The following ZNF804B variants were observed in gnomAD, a reference collection of about 807,000 sequenced individuals.
ZNF804B encodes the protein zinc finger protein 804B, also known as zinc finger 804B.
A neutral mutation model predicts 101.4 loss-of-function variants in ZNF804B; 80 were observed. The ratio of observed to expected loss-of-function variants is 0.79; its 90% CI spans 0.66 to 0.95. The LOEUF (loss-of-function observed/expected upper bound fraction) is 0.95. ZNF804B is among the 40% of genes least tolerant of loss of function. The probability of loss-of-function intolerance (pLI) is 0.00; values close to 1 mark genes in which losing one functional copy is unlikely to be tolerated. For missense variants in ZNF804B, 1,673 were observed against 1,561.9 expected, an observed-to-expected ratio of 1.07 and a Z score of -1.20; for synonymous variants, 622 against 558.8, an observed-to-expected ratio of 1.11 and a Z score of -1.59.
intron 1 of ZNF804B, among the ~76,000 whole-genome samples, chr7:88,869,330 C>G (rs1188677984): frequency 6.6e-6 from 1 of 152,082 alleles, no homozygotes; most frequent in Non-Finnish European, 1.5e-5. Flanking sequence ...TACCTTGGGG[C>G]CCATCTATCA....
At chr7:88,854,485 T>TCTTTCTTTC (rs1791514057) in intron 1 of ZNF804B, among the ~76,000 whole-genome samples, 1 of 71,306 alleles carries the variant, frequency 1.4e-5, no homozygotes, top group Admixed American at 1.6e-4. Context: ...CTCTTTCCTT[T>TCTTTCTTTC]CCTTTCCTTT....
intron 1 of ZNF804B, among the ~76,000 whole-genome samples, chr7:89,118,719 T>C (rs964841997): frequency 6.6e-6 from 1 of 152,326 alleles, no homozygotes; most frequent in East Asian, 1.9e-4. Flanking sequence ...ATTTCAATTG[T>C]TATCTGAAAT....
intron 1 of ZNF804B, among the ~76,000 whole-genome samples, chr7:88,813,756 T>C (rs1262493036): frequency 6.6e-6 from 1 of 152,240 alleles, no homozygotes; most frequent in African/African-American, 2.4e-5. Context: ...GGAAATATTC[T>C]TAAGATCCAC....
intron 1 of ZNF804B, among the ~76,000 whole-genome samples, chr7:89,109,000 GA>G (rs1403968177): frequency 2.0e-5 from 3 of 152,066 alleles, no homozygotes; most frequent in Admixed American, 1.3e-4. Context: ...TATTGGAGGG[GA>G]AAAAAGTCCA....
chr7:88,998,180 G>A (rs145278039), intron 1 of ZNF804B, among the ~76,000 whole-genome samples: 26 of 151,958 alleles, frequency 1.7e-4, no homozygotes, highest in African/African-American at 6.3e-4. Flanking sequence ...TTTTCCTCTG[G>A]TCCTCCTTCT....
chr7:89,220,492 A>G (rs938667632), intron 2 of ZNF804B, among the ~76,000 whole-genome samples: 3 of 151,926 alleles, frequency 2.0e-5, no homozygotes, highest in Admixed American at 6.6e-5. Flanking sequence ...ACTAATGGCT[A>G]TCACCCAACT....
chr7:89,171,282 G>GCTTCTTCTTCTT (rs1491140157), intron 1 of ZNF804B, among the ~76,000 whole-genome samples: 22 of 95,480 alleles, frequency 2.3e-4, no homozygotes, highest in Admixed American at 1.3e-3. Context: ...AAATAATGCT[G>GCTTCTTCTTCTT]CTGCTGCTTC....
At chr7:89,244,457 A>C (rs1789413638) in intron 2 of ZNF804B, among the ~76,000 whole-genome samples, 1 of 152,094 alleles carries the variant, frequency 6.6e-6, no homozygotes, top group Non-Finnish European at 1.5e-5. Context: ...TTGCTAGATA[A>C]CCCTCTAAAG....
At position 89,031,187 on chromosome 7, in the gene ZNF804B, GTA is replaced by G. The variant is rs887453933; in HGVS notation, c.109-186956_109-186955del. On this transcript the variant is annotated intron_variant, in intron 1 of 3. Transcript: ENST00000333190. ...AGTATAATAATAAAAATATATATGT[GTA>G]TATATATATATGTGTGTGTGTGTAT... 1.1e-4 allele frequency among the ~76,000 whole-genome samples: 13 copies of G among 120,548 alleles called. 1 individual carries two copies. Among genetic ancestry groups the G allele is most frequent in the East Asian group, 2.0e-4 (1 of 4,972 alleles). 79.1% of individuals were successfully genotyped at this position (120,548 alleles called of 152,430 possible).
At chr7:89,279,836 G>A (rs866387790) in intron 2 of ZNF804B, among the ~76,000 whole-genome samples, 3 of 151,898 alleles carry the variant, frequency 2.0e-5, no homozygotes, top group African/African-American at 7.3e-5. Flanking sequence ...GTCTCTGCCA[G>A]GCTTTGGTAT....
intron 1 of ZNF804B, among the ~76,000 whole-genome samples, chr7:89,088,005 A>G (rs1405467095): frequency 1.3e-5 from 2 of 148,984 alleles, no homozygotes; most frequent in Non-Finnish European, 3.0e-5. Context: ...TATATATATT[A>G]ATTTATTTCG....
At chr7:88,855,874 T>C (rs1460018682) in intron 1 of ZNF804B, among the ~76,000 whole-genome samples, 3 of 152,204 alleles carry the variant, frequency 2.0e-5, no homozygotes, top group Non-Finnish European at 4.4e-5. Context: ...CCTTTCCCCA[T>C]TGCTTGTTTT....
intron 2 of ZNF804B, among the ~76,000 whole-genome samples, chr7:89,303,744 T>G (rs1790518926): frequency 6.6e-6 from 1 of 151,882 alleles, no homozygotes; most frequent in South Asian, 2.1e-4. Context: ...ATGGACAGAT[T>G]TTCATCTGAT....
At chr7:88,900,852 AC>A (rs1433996916) in intron 1 of ZNF804B, among the ~76,000 whole-genome samples, 4 of 151,720 alleles carry the variant, frequency 2.6e-5, no homozygotes, top group Non-Finnish European at 5.9e-5. Context: ...GGAAAAAAAA[AC>A]ATTATACAGA....
intron 1 of ZNF804B, among the ~76,000 whole-genome samples, chr7:89,008,720 C>T (rs568025336): frequency 3.5e-4 from 53 of 152,182 alleles, no homozygotes; most frequent in Non-Finnish European, 4.6e-4. Context: ...CATGATATCC[C>T]GCCTTTATTC....
rs1789869312 is a variant in ZNF804B, at chr7:88,760,052, G to A, written c.76G>A (p.Gly26Arg). 5 of 1,614,086 alleles carry A rather than the reference G, an allele frequency of 3.1e-6. No homozygotes were observed. The highest frequency in any genetic ancestry group is 1.3e-5 in the African/African-American group (1 of 74,930). Residue 26 changes from glycine (G) to arginine (R), a missense_variant, in exon 1 of 4, where the codon GGA becomes AGA. By Grantham distance (125) the Gly-to-Arg change is moderately radical. Transcript: ENST00000333190. The part of the protein sequence containing the change: ...HYRGIKGVFR[G>R]PLCKNGSPSP... ...CCGGGGCATTAAAGGAGTCTTCAGG[G>A]GACCCCTGTGCAAGAACGGATCTCC...
At chr7:89,267,421 C>G (rs1231789004) in intron 2 of ZNF804B, among the ~76,000 whole-genome samples, 1 of 152,074 alleles carries the variant, frequency 6.6e-6, no homozygotes, top group Non-Finnish European at 1.5e-5. Flanking sequence ...TTGAAAAGAC[C>G]AAAGCAATAA....
At chr7:89,316,224 T>G (rs1790724393) in intron 2 of ZNF804B, among the ~76,000 whole-genome samples, 1 of 152,126 alleles carries the variant, frequency 6.6e-6, no homozygotes, top group Admixed American at 6.6e-5. Flanking sequence ...GTGTTCTTCC[T>G]AACATTATGA....
intron 1 of ZNF804B, among the ~76,000 whole-genome samples, chr7:88,872,348 T>C (rs1419199141): frequency 6.6e-6 from 1 of 152,086 alleles, no homozygotes. Context: ...ACCTAGCAGT[T>C]TGAGGCTGCA....
Sources: gnomAD v4.1 joint callset for allele counts (sites outside exome capture counted in the v4.1 genomes callset) on GRCh38, gnomAD v4.1.1 for gene constraint, MANE v1.5 for transcripts, NCBI Gene and HGNC (gene_info 2026-07-23, HGNC 2026-07-21) for gene names.